Variants in SGCZ observed in about 807,000 individuals in gnomAD.
SGCZ encodes the protein zeta-sarcoglycan.
Under a neutral mutation model 41.3 loss-of-function variants are expected in SGCZ, and 40 were observed. The ratio of observed to expected loss-of-function variants is 0.97; its 90% CI spans 0.75 to 1.26. The LOEUF is 1.26. Ranked by LOEUF, SGCZ falls within the 50% of genes most tolerant of loss-of-function variation. The probability of loss-of-function intolerance (pLI) is 0.00; values close to 1 mark genes in which losing one functional copy is unlikely to be tolerated. For missense variants in SGCZ, 552 were observed against 369.8 expected (o/e 1.49, Z -4.04); for synonymous variants, 206 against 137.5 (o/e 1.50, Z -3.49).
intron 1 of SGCZ, among the ~76,000 whole-genome samples, chr8:15,025,119 T>C (rs575415580): frequency 1.3e-5 from 2 of 152,114 alleles, no homozygotes; most frequent in Admixed American, 1.3e-4. Context: ...TAACATAATG[T>C]TTATGAATCA....
At chr8:14,842,084 A>G (rs1477613192) in intron 1 of SGCZ, among the ~76,000 whole-genome samples, 1 of 152,214 alleles carries the variant, frequency 6.6e-6, no homozygotes, top group East Asian at 1.9e-4. Context: ...AGACGATGAT[A>G]AAACAAAACA....
chr8:15,126,577 G>A (rs1049480701), intron 1 of SGCZ, among the ~76,000 whole-genome samples: 5 of 152,136 alleles, frequency 3.3e-5, no homozygotes, highest in Admixed American at 1.3e-4. Context: ...GATGTGAAAC[G>A]GAGGTAAATA....
intron 1 of SGCZ, among the ~76,000 whole-genome samples, chr8:15,052,860 C>T (rs1804564283): frequency 6.6e-6 from 1 of 152,098 alleles, no homozygotes; most frequent in African/African-American, 2.4e-5. Flanking sequence ...CCACTGAACT[C>T]TCTATGAAAA....
intron 5 of SGCZ, among the ~76,000 whole-genome samples, chr8:14,150,558 G>C (rs538543449): frequency 3.3e-5 from 5 of 152,158 alleles, no homozygotes; most frequent in African/African-American, 1.2e-4. Flanking sequence ...GGGAACCCTT[G>C]TATACTATTG....
At chr8:15,117,054 T>C (rs991098552) in intron 1 of SGCZ, among the ~76,000 whole-genome samples, 1 of 152,234 alleles carries the variant, frequency 6.6e-6, no homozygotes, top group Non-Finnish European at 1.5e-5. Flanking sequence ...TGTAACAATT[T>C]ATTTCAATTA....
intron 2 of SGCZ, among the ~76,000 whole-genome samples, chr8:14,538,878 T>C (rs1380217669): frequency 5.9e-5 from 9 of 151,840 alleles, no homozygotes; most frequent in South Asian, 2.1e-4. Context: ...CTAATTGCAA[T>C]AGGAAGGGTG....
At chr8:14,460,058 G>C (rs752614297) in intron 2 of SGCZ, among the ~76,000 whole-genome samples, 5 of 152,044 alleles carry the variant, frequency 3.3e-5, no homozygotes, top group East Asian at 1.9e-4. Context: ...CATGTCACTT[G>C]GTCAACAGCA....
intron 1 of SGCZ, among the ~76,000 whole-genome samples, chr8:14,834,850 A>T (rs1035963074): frequency 7.9e-5 from 12 of 152,188 alleles, no homozygotes; most frequent in African/African-American, 2.9e-4. Context: ...AGCTTGAGCA[A>T]GTTACTTTCT....
intron 1 of SGCZ, among the ~76,000 whole-genome samples, chr8:14,578,771 TC>T (rs1371863264): frequency 1.3e-5 from 2 of 152,158 alleles, no homozygotes; most frequent in African/African-American, 4.8e-5. Context: ...TAAAGAAAAA[TC>T]CTGGCATATA....
chr8:14,297,459 C>G (rs1370732450), intron 3 of SGCZ, among the ~76,000 whole-genome samples: 1 of 150,994 alleles, frequency 6.6e-6, no homozygotes, highest in African/African-American at 2.4e-5. Context: ...GTATCAAAAA[C>G]AGAAGTATCT....
At chr8:14,922,941 A>G (rs2130793869) in intron 1 of SGCZ, among the ~76,000 whole-genome samples, 1 of 152,332 alleles carries the variant, frequency 6.6e-6, no homozygotes, top group Middle Eastern at 3.4e-3. Flanking sequence ...TTTCTCATAA[A>G]GTTTTCTCAT....
chr8:14,244,503 G>C (rs1799013194), intron 3 of SGCZ, among the ~76,000 whole-genome samples: 1 of 152,114 alleles, frequency 6.6e-6, no homozygotes, highest in African/African-American at 2.4e-5. Flanking sequence ...TAGCCTTGTA[G>C]TACAGTTTGA....
At chr8:14,693,588 T>G (rs1341063456) in intron 1 of SGCZ, among the ~76,000 whole-genome samples, 21 of 134,756 alleles carry the variant, frequency 1.6e-4, no homozygotes, top group African/African-American at 5.9e-4. Flanking sequence ...CTGGCTTTTT[T>G]TTTTTTTTTT....
chr8:14,256,391 C>A (rs540345488), intron 3 of SGCZ, among the ~76,000 whole-genome samples: 1 of 152,006 alleles, frequency 6.6e-6, no homozygotes, highest in Admixed American at 6.6e-5. Flanking sequence ...AATGGAAGAT[C>A]CCTAGATGGA....
chr8:14,851,162 G>A (rs1355787888), intron 1 of SGCZ, among the ~76,000 whole-genome samples: 1 of 152,054 alleles, frequency 6.6e-6, no homozygotes, highest in Non-Finnish European at 1.5e-5. Context: ...GAGGTCAGGA[G>A]ATCGAGGCCA....
chr8:14,915,839 C>A (rs1585375810), intron 1 of SGCZ, among the ~76,000 whole-genome samples: 1 of 152,098 alleles, frequency 6.6e-6, no homozygotes, highest in African/African-American at 2.4e-5. Flanking sequence ...TCTCCTTAAC[C>A]CACCCACATG....
intron 1 of SGCZ, among the ~76,000 whole-genome samples, chr8:14,976,180 C>G (rs1801473252): frequency 6.6e-6 from 1 of 151,808 alleles, no homozygotes; most frequent in South Asian, 2.1e-4. Context: ...CACCACCACA[C>G]CCGGCTAATT....
At chr8:14,766,727 A>ATTTTTTTTTTTTTTTTTTT (rs33955290) in intron 1 of SGCZ, among the ~76,000 whole-genome samples, 2 of 92,806 alleles carry the variant, frequency 2.2e-5, no homozygotes, top group African/African-American at 4.5e-5. Context: ...ATGTCCAGCT[A>ATTTTTTTTTTTTTTTTTTT]TTTTTTTTTT....
At chr8:15,028,219 A>C (rs572779282) in intron 1 of SGCZ, among the ~76,000 whole-genome samples, 1 of 152,160 alleles carries the variant, frequency 6.6e-6, no homozygotes, top group Admixed American at 6.5e-5. Context: ...ATGAGGTTGC[A>C]TTAAGGAAAG....
Sources: gnomAD v4.1 joint callset for allele counts (sites outside exome capture counted in the v4.1 genomes callset) on GRCh38, gnomAD v4.1.1 for gene constraint, MANE v1.5 for transcripts, NCBI Gene and HGNC (gene_info 2026-07-23, HGNC 2026-07-21) for gene names.